CORO2B: variants seen among roughly 807,000 people sequenced by gnomAD.
CORO2B encodes the protein coronin 2B.
Under a neutral mutation model 58.8 loss-of-function variants are expected in CORO2B, and 26 were observed. The observed-to-expected ratio is 0.44, with a 90% confidence interval of 0.32 to 0.61. The LOEUF (loss-of-function observed/expected upper bound fraction) is 0.61, where lower values mean the gene tolerates loss of function less well. CORO2B is among the 20% of genes least tolerant of loss of function. The pLI is 0.04. For missense variants in CORO2B, 460 were observed against 645.1 expected, an observed-to-expected ratio of 0.71 and a Z score of 3.11; for synonymous variants, 242 against 253.8, an observed-to-expected ratio of 0.95 and a Z score of 0.44.
At chr15:68,685,610 G>T (rs553394734) in intron 2 of CORO2B, among the ~76,000 whole-genome samples, 6 of 152,216 alleles carry the variant, frequency 3.9e-5, no homozygotes, top group African/African-American at 1.2e-4. Flanking sequence ...GCTCCAGGAG[G>T]CAGGAGGCCC....
chr15:68,619,861 A>G (rs540026689), intron 1 of CORO2B, among the ~76,000 whole-genome samples: 123 of 152,196 alleles, frequency 8.1e-4, no homozygotes, highest in African/African-American at 1.6e-3. Context: ...TGGGTGGACA[A>G]TGCTGGCATC....
the CORO2B span, among the ~76,000 whole-genome samples, chr15:68,523,006 G>T: frequency 6.6e-6 from 1 of 152,040 alleles, no homozygotes; most frequent in Non-Finnish European, 1.5e-5. Context: ...TAGAGTAGGG[G>T]CTGTTTGTTT....
intron 3 of CORO2B, among the ~76,000 whole-genome samples, chr15:68,697,370 T>G (rs1166885885): frequency 1.3e-5 from 2 of 152,170 alleles, no homozygotes; most frequent in Non-Finnish European, 2.9e-5. Context: ...GATGGATGAA[T>G]GAAAGATAAA....
the CORO2B span, among the ~76,000 whole-genome samples, chr15:68,534,956 C>G: frequency 1.7e-3 from 262 of 152,224 alleles, 1 homozygote; most frequent in African/African-American, 6.0e-3. Context: ...TATTCACTAC[C>G]ATGAGAACAG....
chr15:68,701,707 A>G (rs560507723), intron 3 of CORO2B, among the ~76,000 whole-genome samples: 13 of 151,800 alleles, frequency 8.6e-5, no homozygotes, highest in African/African-American at 2.9e-4. Flanking sequence ...GACGATCTCA[A>G]TCTCCTGACC....
chr15:68,557,640 A>T, the CORO2B span, among the ~76,000 whole-genome samples: 2 of 152,254 alleles, frequency 1.3e-5, no homozygotes, highest in Non-Finnish European at 2.9e-5. Flanking sequence ...GCCTCACTAC[A>T]GGCCAGACAC....
At position 68,605,966 on chromosome 15, in the gene CORO2B, C is replaced by T. The variant is rs560152267; in HGVS notation, c.15+26689C>T. Among the ~76,000 whole-genome samples the T allele has an allele frequency of 7.4e-3, 1,124 of 151,926 alleles. 12 individuals carry two copies. The highest frequency in any genetic ancestry group is 0.026 in the African/African-American group (1,057 of 41,430). Reference sequence around the variant, plus strand: ...GTCTCAAACTCCTGAACTTGTGATTCGCCCACCTTGACCTCCCAAAGTGCT... The same window carrying T: ...GTCTCAAACTCCTGAACTTGTGATTTGCCCACCTTGACCTCCCAAAGTGCT... On this transcript the variant is annotated intron_variant, in intron 1 of 11. Coordinates refer to ENST00000261861, the MANE Select transcript of CORO2B (RefSeq NM_006091.5).
chr15:68,579,643 G>C (rs1198628831), intron 1 of CORO2B, among the ~76,000 whole-genome samples: 30 of 152,180 alleles, frequency 2.0e-4, no homozygotes, highest in Admixed American at 2.0e-3. Context: ...TCGCTGGCAG[G>C]GGCTGGTGCT....
At chr15:68,626,752 T>C (rs887727297) in intron 1 of CORO2B, among the ~76,000 whole-genome samples, 4 of 152,270 alleles carry the variant, frequency 2.6e-5, no homozygotes, top group African/African-American at 9.6e-5. Flanking sequence ...TGTCAGTACT[T>C]ATGAAAAAAC....
the CORO2B span, among the ~76,000 whole-genome samples, chr15:68,520,694 G>A: frequency 6.6e-6 from 1 of 152,184 alleles, no homozygotes; most frequent in Non-Finnish European, 1.5e-5. Context: ...GCACATTAAT[G>A]TGGTTCAGCT....
intron 1 of CORO2B, among the ~76,000 whole-genome samples, chr15:68,598,901 T>C (rs926864288): frequency 5.9e-5 from 9 of 152,054 alleles, no homozygotes; most frequent in Admixed American, 2.6e-4. Context: ...ATGCTGTGAG[T>C]CTGTCCTGGG....
At chr15:68,640,499 G>T (rs1171572544) in intron 1 of CORO2B, among the ~76,000 whole-genome samples, 2 of 128,864 alleles carry the variant, frequency 1.6e-5, no homozygotes, top group Non-Finnish European at 3.2e-5. Flanking sequence ...TCTTCCAAAA[G>T]GCAATGCTAT....
intron 1 of CORO2B, among the ~76,000 whole-genome samples, chr15:68,600,526 G>A (rs1290137447): frequency 1.3e-5 from 2 of 152,152 alleles, no homozygotes; most frequent in African/African-American, 2.4e-5. Context: ...AAGACAAAGC[G>A]GTCTTTGTTA....
At chr15:68,591,389 G>T (rs1323978434) in intron 1 of CORO2B, among the ~76,000 whole-genome samples, 2 of 152,220 alleles carry the variant, frequency 1.3e-5, no homozygotes, top group Admixed American at 6.5e-5. Flanking sequence ...GGGTGCTGCT[G>T]GGCTGGAAAT....
intron 1 of CORO2B, among the ~76,000 whole-genome samples, chr15:68,623,241 A>G (rs2140253308): frequency 6.6e-6 from 1 of 152,346 alleles, no homozygotes; most frequent in East Asian, 1.9e-4. Flanking sequence ...AGGGTCACAC[A>G]GCGAGGAACC....
the CORO2B span, among the ~76,000 whole-genome samples, chr15:68,564,957 A>AT: frequency 9.2e-5 from 14 of 152,070 alleles, no homozygotes; most frequent in East Asian, 5.8e-4. Context: ...AATTTCTGGA[A>AT]TTTTTTTTGT....
Position 68,701,811 on chromosome 15 carries a change from C to G in CORO2B, c.333+6555C>G, listed in dbSNP as rs142366144. Among the ~76,000 whole-genome samples the G allele has an allele frequency of 2.6e-4, 39 of 152,114 alleles. No individual in the cohort carries two copies. In the East Asian group the frequency reaches 6.8e-3, roughly 26 times the overall value. Reference sequence around the variant, plus strand: ...GGACTAGTTTCTTTACCTCTGAGTACCAGTTGCCCTATTGTAAAATAGGAA... The same window carrying G: ...GGACTAGTTTCTTTACCTCTGAGTAGCAGTTGCCCTATTGTAAAATAGGAA... On this transcript the variant is annotated intron_variant, in intron 3 of 11. Transcript: ENST00000261861.
intron 2 of CORO2B, among the ~76,000 whole-genome samples, chr15:68,665,779 AT>A (rs922115230): frequency 2.0e-4 from 31 of 152,098 alleles, no homozygotes; most frequent in African/African-American, 6.8e-4. Context: ...GTATGTTAAT[AT>A]TTTGCCATGT....
At chr15:68,555,387 T>C in the CORO2B span, among the ~76,000 whole-genome samples, 2 of 152,112 alleles carry the variant, frequency 1.3e-5, no homozygotes, top group Admixed American at 1.3e-4. Flanking sequence ...GAGAATGAGC[T>C]CCCCACTCAA....
Sources: allele counts gnomAD v4.1 joint callset (sites outside exome capture counted in the v4.1 genomes callset), GRCh38; gene constraint gnomAD v4.1.1; transcripts MANE v1.5; gene names NCBI Gene and HGNC (gene_info 2026-07-23, HGNC 2026-07-21).